SLIT3: variants seen among roughly 807,000 people sequenced by gnomAD.
SLIT3 encodes the protein slit guidance ligand 3, also known as slit homolog 3 protein.
Under a neutral mutation model 184.0 loss-of-function variants are expected in SLIT3, and 68 were observed. The ratio of observed to expected loss-of-function variants is 0.37; its 90% CI spans 0.30 to 0.45. The LOEUF is 0.45. SLIT3 is among the 20% of genes least tolerant of loss of function. The pLI is 1.00. For synonymous variants in SLIT3, 831 were observed against 828.6 expected (o/e 1.00, Z -0.05); for missense variants, 1,707 against 2,026.0 (o/e 0.84, Z 3.02).
At chr5:168,884,414 C>CT (rs1412572185) in intron 4 of SLIT3, among the ~76,000 whole-genome samples, 1 of 56,470 alleles carries the variant, frequency 1.8e-5, no homozygotes, top group African/African-American at 4.8e-5. Context: ...AAAGGTGTCT[C>CT]TCTCTCTCTC....
intron 5 of SLIT3, among the ~76,000 whole-genome samples, chr5:168,878,040 A>G (rs1250747995): frequency 6.6e-6 from 1 of 151,878 alleles, no homozygotes; most frequent in East Asian, 1.9e-4. Flanking sequence ...CCCAGTACCT[A>G]GCACAGTTTC....
intron 4 of SLIT3, among the ~76,000 whole-genome samples, chr5:169,175,363 C>T (rs1373556488): frequency 6.6e-6 from 1 of 152,178 alleles, no homozygotes; most frequent in Non-Finnish European, 1.5e-5. Context: ...TTCCCCTCTT[C>T]CCACTCCTAG....
At chr5:168,783,207 A>T (rs1157273213) in intron 12 of SLIT3, among the ~76,000 whole-genome samples, 2 of 152,086 alleles carry the variant, frequency 1.3e-5, no homozygotes, top group African/African-American at 4.8e-5. Context: ...GCTCCAGGGG[A>T]CCAAGGACAG....
chr5:168,839,684 G>C (rs532980947), intron 6 of SLIT3, among the ~76,000 whole-genome samples: 1 of 152,162 alleles, frequency 6.6e-6, no homozygotes, highest in African/African-American at 2.4e-5. Context: ...CCTTGTTTCT[G>C]TCACAGACAA....
chr5:169,088,679 A>C (rs898175235), intron 4 of SLIT3, among the ~76,000 whole-genome samples: 5 of 151,974 alleles, frequency 3.3e-5, no homozygotes, highest in Non-Finnish European at 7.4e-5. Flanking sequence ...GGGTATCCAA[A>C]TCTCCAAGGA....
At chr5:169,237,093 G>C (rs1433676020) in intron 3 of SLIT3, among the ~76,000 whole-genome samples, 1 of 152,108 alleles carries the variant, frequency 6.6e-6, no homozygotes, top group Admixed American at 6.5e-5. Context: ...CAGTTCTTCT[G>C]TGCAGTTCCT....
At chr5:168,888,090 G>A (rs1361149575) in intron 4 of SLIT3, among the ~76,000 whole-genome samples, 1 of 152,190 alleles carries the variant, frequency 6.6e-6, no homozygotes, top group East Asian at 1.9e-4. Flanking sequence ...AACAGACACC[G>A]AGCCAAGGAC....
intron 5 of SLIT3, among the ~76,000 whole-genome samples, chr5:168,864,729 T>A (rs1759237371): frequency 6.6e-6 from 1 of 152,138 alleles, no homozygotes; most frequent in Non-Finnish European, 1.5e-5. Context: ...CCGTCTGAAG[T>A]CAAGATAACC....
chr5:169,119,701 C>A (rs1206132835), intron 4 of SLIT3, among the ~76,000 whole-genome samples: 2 of 151,734 alleles, frequency 1.3e-5, no homozygotes, highest in Non-Finnish European at 2.9e-5. Flanking sequence ...GCTAAACACC[C>A]AACTGTGGCA....
At chr5:169,245,692 G>A (rs1412451505) in intron 2 of SLIT3, among the ~76,000 whole-genome samples, 1 of 152,122 alleles carries the variant, frequency 6.6e-6, no homozygotes, top group African/African-American at 2.4e-5. Flanking sequence ...CAGGAGGAGA[G>A]GTACCCACAA....
intron 5 of SLIT3, among the ~76,000 whole-genome samples, chr5:168,859,202 T>C (rs1440514284): frequency 6.6e-6 from 1 of 152,168 alleles, no homozygotes; most frequent in African/African-American, 2.4e-5. Context: ...TTGGTCATGA[T>C]GTTCTATATT....
At position 168,663,631 on chromosome 5, in the gene SLIT3, C is replaced by A. The variant is rs1160652835; in HGVS notation, c.*2823G>T. On this transcript the variant is annotated 3_prime_UTR_variant, in exon 36 of 36. Transcript: ENST00000519560. ...TCAAAACCCTACCTTCCTACCTACC[C>A]CATTTCTCTCTGCTCCTCAGTGTGC... 1 of 152,350 alleles carries A rather than the reference C, an allele frequency of 6.6e-6. No individual in the cohort carries two copies. The highest frequency in any genetic ancestry group is 2.1e-4 in the South Asian group (1 of 4,832). 9.4% of individuals were successfully genotyped at this position (152,350 alleles called of 1,614,324 possible).
intron 35 of SLIT3, 108 bp from the exon 36 acceptor site, chr5:168,666,797 G>A: frequency 6.5e-7 from 1 of 1,543,672 alleles, no homozygotes; most frequent in African/African-American, 1.4e-5. Context: ...AAGACTGTAA[G>A]AATTTATTCA....
chr5:168,903,886 A>T (rs1760956131), intron 4 of SLIT3, among the ~76,000 whole-genome samples: 1 of 152,210 alleles, frequency 6.6e-6, no homozygotes, highest in African/African-American at 2.4e-5. Context: ...CTTGATGTAC[A>T]GAAATCATCA....
intron 20 of SLIT3, among the ~76,000 whole-genome samples, chr5:168,742,924 C>G (rs540013736): frequency 7.2e-5 from 11 of 151,858 alleles, no homozygotes; most frequent in Admixed American, 4.6e-4. Context: ...GTCAAGAGAT[C>G]GAGACTATCC....
At chr5:169,127,048 G>A (rs1418251812) in intron 4 of SLIT3, among the ~76,000 whole-genome samples, 3 of 152,070 alleles carry the variant, frequency 2.0e-5, no homozygotes, top group African/African-American at 7.3e-5. Context: ...TCAGAGAGTT[G>A]GTCTGATAGT....
intron 3 of SLIT3, among the ~76,000 whole-genome samples, chr5:169,236,582 T>C (rs1765209803): frequency 6.6e-6 from 1 of 152,000 alleles, no homozygotes; most frequent in South Asian, 2.1e-4. Context: ...GTGATTCTCC[T>C]GTCTCAGCAT....
At chr5:168,757,428 T>C (rs969315041) in intron 16 of SLIT3, among the ~76,000 whole-genome samples, 9 of 152,146 alleles carry the variant, frequency 5.9e-5, no homozygotes, top group Non-Finnish European at 8.8e-5. Context: ...CTATTTTTGT[T>C]GTTGTTATTG....
intron 12 of SLIT3, among the ~76,000 whole-genome samples, chr5:168,775,963 T>C (rs1755732169): frequency 6.6e-6 from 1 of 152,232 alleles, no homozygotes; most frequent in Admixed American, 6.5e-5. Context: ...AGACATGCCT[T>C]GTAGTCAATG....
Sources: allele counts gnomAD v4.1 joint callset (sites outside exome capture counted in the v4.1 genomes callset), GRCh38; gene constraint gnomAD v4.1.1; transcripts MANE v1.5; gene names NCBI Gene and HGNC (gene_info 2026-07-23, HGNC 2026-07-21).